HS6ST3: variants seen among roughly 807,000 people sequenced by gnomAD.
HS6ST3 encodes the protein heparan sulfate 6-O-sulfotransferase 3, also known as heparan-sulfate 6-O-sulfotransferase 3.
HS6ST3 carries 12 observed loss-of-function variants against 36.7 expected under a neutral mutation model. The observed-to-expected ratio is 0.33, with a 90% CI of 0.21 to 0.53. The LOEUF is 0.53. HS6ST3 is among the 20% of genes least tolerant of loss of function. HS6ST3 has a pLI of 0.95. For missense variants in HS6ST3, 584 were observed against 640.9 expected, an observed-to-expected ratio of 0.91 and a Z score of 0.96; for synonymous variants, 240 against 257.5, an observed-to-expected ratio of 0.93 and a Z score of 0.65.
At chr13:96,426,321 A>G (rs141917755) in intron 1 of HS6ST3, among the ~76,000 whole-genome samples, 2 of 152,288 alleles carry the variant, frequency 1.3e-5, no homozygotes, top group East Asian at 1.9e-4. Flanking sequence ...GGAAGCATCA[A>G]AGTGCCTACT....
chr13:96,707,867 AAGTATTCAATACC>A (rs1290043588), intron 1 of HS6ST3, among the ~76,000 whole-genome samples: 3 of 152,220 alleles, frequency 2.0e-5, no homozygotes, highest in Admixed American at 6.5e-5. Context: ...AACAAAGGAA[AAGTATTCAATACC>A]AGTCCTCTGA....
intron 1 of HS6ST3, among the ~76,000 whole-genome samples, chr13:96,719,924 C>T (rs947608174): frequency 6.6e-6 from 1 of 152,134 alleles, no homozygotes; most frequent in Non-Finnish European, 1.5e-5. Context: ...GAAGGGCTCA[C>T]GCCTTCACAG....
At chr13:96,292,856 A>G (rs1011397318) in intron 1 of HS6ST3, among the ~76,000 whole-genome samples, 1 of 152,104 alleles carries the variant, frequency 6.6e-6, no homozygotes. Flanking sequence ...TGAAAATTCT[A>G]AATAATTTAA....
chr13:96,199,319 G>A (rs945925947), intron 1 of HS6ST3, among the ~76,000 whole-genome samples: 3 of 152,172 alleles, frequency 2.0e-5, no homozygotes, highest in Non-Finnish European at 4.4e-5. Context: ...TGTATTCTCC[G>A]TGTACATTGT....
chr13:96,751,784 A>G (rs1247743959), intron 1 of HS6ST3, among the ~76,000 whole-genome samples: 1 of 151,480 alleles, frequency 6.6e-6, no homozygotes, highest in Non-Finnish European at 1.5e-5. Context: ...GTACATATAC[A>G]TATATACATA....
intron 1 of HS6ST3, among the ~76,000 whole-genome samples, chr13:96,663,631 C>T (rs1487269360): frequency 1.3e-5 from 2 of 152,142 alleles, no homozygotes; most frequent in Non-Finnish European, 2.9e-5. Flanking sequence ...TACCACACAG[C>T]CCTGTTCCCA....
intron 1 of HS6ST3, among the ~76,000 whole-genome samples, chr13:96,378,427 C>T (rs1268643342): frequency 6.6e-6 from 1 of 152,152 alleles, no homozygotes; most frequent in African/African-American, 2.4e-5. Flanking sequence ...ACTCTTCGTG[C>T]ATGTAGGCAG....
intron 1 of HS6ST3, among the ~76,000 whole-genome samples, chr13:96,417,590 A>ATGTGTGTGTGTGTG (rs148288275): frequency 1.0e-4 from 14 of 139,914 alleles, no homozygotes; most frequent in African/African-American, 3.8e-4. Flanking sequence ...GCATATATAT[A>ATGTGTGTGTGTGTG]TGTGTGTGTG....
At chr13:96,517,896 G>T (rs535004402) in intron 1 of HS6ST3, among the ~76,000 whole-genome samples, 1 of 152,262 alleles carries the variant, frequency 6.6e-6, no homozygotes, top group South Asian at 2.1e-4. Context: ...CTACCATAAA[G>T]ATACATGCAC....
chr13:96,444,283 T>C (rs1465172786), intron 1 of HS6ST3, among the ~76,000 whole-genome samples: 1 of 152,218 alleles, frequency 6.6e-6, no homozygotes, highest in East Asian at 1.9e-4. Flanking sequence ...TGTGACACAG[T>C]AAGACCTTAT....
At chr13:96,568,122 C>T (rs1471720863) in intron 1 of HS6ST3, among the ~76,000 whole-genome samples, 1 of 152,148 alleles carries the variant, frequency 6.6e-6, no homozygotes, top group Non-Finnish European at 1.5e-5. Flanking sequence ...ACCAGGTCTC[C>T]AACACAAACT....
At chr13:96,387,959 G>A (rs1003315842) in intron 1 of HS6ST3, among the ~76,000 whole-genome samples, 3 of 152,032 alleles carry the variant, frequency 2.0e-5, no homozygotes, top group Non-Finnish European at 4.4e-5. Flanking sequence ...TAGGGCCCTA[G>A]AGCCTCAGCA....
At chr13:96,590,964 T>G (rs551552407) in intron 1 of HS6ST3, among the ~76,000 whole-genome samples, 1 of 152,136 alleles carries the variant, frequency 6.6e-6, no homozygotes, top group African/African-American at 2.4e-5. Flanking sequence ...CTCCAGTGTA[T>G]GTTCTTGGTA....
chr13:96,347,894 AGTT>A (rs1307035833), intron 1 of HS6ST3, among the ~76,000 whole-genome samples: 1 of 152,158 alleles, frequency 6.6e-6, no homozygotes, highest in Non-Finnish European at 1.5e-5. Context: ...TCTACTGTAG[AGTT>A]GTTGTTTAAT....
At chr13:96,374,860 T>C (rs1257300300) in intron 1 of HS6ST3, among the ~76,000 whole-genome samples, 1 of 151,980 alleles carries the variant, frequency 6.6e-6, no homozygotes, top group Non-Finnish European at 1.5e-5. Context: ...CTATTAATAT[T>C]ATTATTTTCT....
chr13:96,143,066 T>C (rs909815600), intron 1 of HS6ST3, among the ~76,000 whole-genome samples: 2 of 152,128 alleles, frequency 1.3e-5, no homozygotes, highest in African/African-American at 4.8e-5. Flanking sequence ...CTTGACATCT[T>C]TTAAGATCAT....
intron 1 of HS6ST3, among the ~76,000 whole-genome samples, chr13:96,516,628 G>C (rs1016349454): frequency 6.6e-6 from 1 of 151,644 alleles, no homozygotes; most frequent in Non-Finnish European, 1.5e-5. Flanking sequence ...CTTTCTATGC[G>C]TAGCATAAAA....
intron 1 of HS6ST3, among the ~76,000 whole-genome samples, chr13:96,121,929 A>G (rs1469510593): frequency 3.9e-5 from 6 of 152,160 alleles, no homozygotes; most frequent in African/African-American, 1.4e-4. Flanking sequence ...TATCATTACC[A>G]TGGCAATGAG....
rs528991660 is a variant in HS6ST3 at position 96,346,388 on chromosome 13, A to C, written c.707+254819A>C. On this transcript the variant is annotated intron_variant, in intron 1 of 1. Transcript: ENST00000376705. The stretch of plus-strand genomic sequence containing the variant: ...AGGAGATCAAGACCATCCTGGCTAA[A>C]ACGGTGAAACCCTATCTCTCCTAAA... 1.7e-3 allele frequency among the ~76,000 whole-genome samples: 260 copies of C among 152,060 alleles called. 1 individual carries two copies. The highest frequency in any genetic ancestry group is 2.7e-3 in the Admixed American group (41 of 15,258).
Sources: gnomAD v4.1 joint callset for allele counts (sites outside exome capture counted in the v4.1 genomes callset) on GRCh38, gnomAD v4.1.1 for gene constraint, MANE v1.5 for transcripts, NCBI Gene and HGNC (gene_info 2026-07-23, HGNC 2026-07-21) for gene names.